PVT1: variants seen among roughly 807,000 people sequenced by gnomAD.
PVT1 encodes CXCR4/PVT1 fusion.
intron 5 of PVT1, among the ~76,000 whole-genome samples, chr8:128,079,764 G>A (rs1017838770): frequency 5.3e-5 from 8 of 151,892 alleles, no homozygotes; most frequent in East Asian, 1.9e-4. Context: ...TCACTCTGTC[G>A]CCCAGGCTGG....
At chr8:128,070,087 T>C (rs531587204) in intron 4 of PVT1, 3 of 152,084 alleles carry the variant, frequency 2.0e-5, no homozygotes, top group Non-Finnish European at 4.4e-5. Flanking sequence ...GGTATCTGTT[T>C]TTAATTTAGA....
chr8:127,999,606 T>C (rs1243623248), intron 4 of PVT1, among the ~76,000 whole-genome samples: 4 of 152,026 alleles, frequency 2.6e-5, no homozygotes, highest in Admixed American at 1.3e-4. Flanking sequence ...GGATTACAGG[T>C]GCACACCACC....
chr8:127,847,826 A>G (rs879360760), intron 2 of PVT1, among the ~76,000 whole-genome samples: 2 of 152,166 alleles, frequency 1.3e-5, no homozygotes, highest in Non-Finnish European at 2.9e-5. Flanking sequence ...AACCAACACA[A>G]GTGGTGGCCT....
At chr8:128,076,646 TA>T (rs1814094076) in intron 5 of PVT1, among the ~76,000 whole-genome samples, 1 of 152,220 alleles carries the variant, frequency 6.6e-6, no homozygotes, top group Non-Finnish European at 1.5e-5. Context: ...GGCTTCCGTC[TA>T]TTGACATCAC....
chr8:128,045,213 C>A (rs566980664), intron 4 of PVT1, among the ~76,000 whole-genome samples: 1 of 152,312 alleles, frequency 6.6e-6, no homozygotes, highest in African/African-American at 2.4e-5. Context: ...TGGGCAGGCA[C>A]CACGGCAGCC....
intron 4 of PVT1, among the ~76,000 whole-genome samples, chr8:128,069,504 C>T (rs1294237534): frequency 6.6e-6 from 1 of 152,146 alleles, no homozygotes; most frequent in Non-Finnish European, 1.5e-5. Flanking sequence ...CATGATCTTG[C>T]TTTTTGTCCC....
chr8:128,083,336 T>TTC (rs1231538881), intron 5 of PVT1, among the ~76,000 whole-genome samples: 4 of 152,260 alleles, frequency 2.6e-5, no homozygotes, highest in Admixed American at 1.3e-4. Flanking sequence ...AAGTAGTCAC[T>TTC]ATTATAGGCC....
At chr8:127,990,808 G>A (rs1418499211) in intron 4 of PVT1, among the ~76,000 whole-genome samples, 2 of 152,200 alleles carry the variant, frequency 1.3e-5, no homozygotes, top group Non-Finnish European at 2.9e-5. Flanking sequence ...AGTCAAGGTG[G>A]GGATACTGGC....
intron 3 of PVT1, among the ~76,000 whole-genome samples, chr8:127,963,988 G>A (rs1360442751): frequency 1.3e-5 from 2 of 152,244 alleles, no homozygotes; most frequent in African/African-American, 4.8e-5. Context: ...ATGTCGAGTG[G>A]AGAATGGCTG....
intron 3 of PVT1, among the ~76,000 whole-genome samples, chr8:127,925,498 C>G (rs1816118973): frequency 2.0e-5 from 3 of 152,118 alleles, no homozygotes; most frequent in Non-Finnish European, 4.4e-5. Flanking sequence ...AGTGGACACG[C>G]CATTCAGCTT....
chr8:128,004,573 T>C (rs1041412228), intron 4 of PVT1, among the ~76,000 whole-genome samples: 5 of 152,194 alleles, frequency 3.3e-5, no homozygotes, highest in Non-Finnish European at 5.9e-5. Flanking sequence ...TCTCATCAGA[T>C]GGCTGTAGAG....
chr8:127,998,216 A>C (rs556652413), intron 4 of PVT1: 29 of 152,216 alleles, frequency 1.9e-4, no homozygotes, highest in Non-Finnish European at 3.2e-4. Context: ...GTCACTGTGC[A>C]TAGCCATCCC....
At chr8:128,037,139 A>G (rs1813473092) in intron 4 of PVT1, among the ~76,000 whole-genome samples, 1 of 152,162 alleles carries the variant, frequency 6.6e-6, no homozygotes, top group African/African-American at 2.4e-5. Flanking sequence ...GGTGCCCGAG[A>G]CCCAGCACTT....
chr8:128,080,173 A>G (rs1563682243), intron 5 of PVT1, among the ~76,000 whole-genome samples: 1 of 151,890 alleles, frequency 6.6e-6, no homozygotes, highest in Non-Finnish European at 1.5e-5. Context: ...GTTTTTGGCA[A>G]TTATGCATAA....
chr8:127,963,568 C>T (rs748733611), intron 3 of PVT1, among the ~76,000 whole-genome samples: 3 of 152,214 alleles, frequency 2.0e-5, no homozygotes, highest in Middle Eastern at 3.4e-3. Context: ...GGCAGCACCC[C>T]CCACCCCCCT....
intron 4 of PVT1, among the ~76,000 whole-genome samples, chr8:128,011,301 T>C (rs6651247): frequency 0.66 from 100,681 of 152,056 alleles, 33,949 homozygotes; most frequent in African/African-American, 0.78. Flanking sequence ...TTTTCCTTCT[T>C]CCAAACGTAT....
intron 2 of PVT1, among the ~76,000 whole-genome samples, chr8:127,809,464 A>C (rs7830829): frequency 0.017 from 2,560 of 152,258 alleles, 46 homozygotes; most frequent in East Asian, 0.11. Context: ...AAAGTGTTGG[A>C]ATTACAGGAA....
intron 4 of PVT1, among the ~76,000 whole-genome samples, chr8:128,004,314 G>A (rs572954910): frequency 1.3e-5 from 2 of 152,280 alleles, no homozygotes; most frequent in African/African-American, 2.4e-5. Context: ...GTATACAGTA[G>A]GTAATCAAGA....
rs548787189 is a variant in PVT1, at chr8:127,909,722, G to A, written n.782+18724G>A. Among the ~76,000 whole-genome samples the A allele has an allele frequency of 3.3e-5, 5 of 152,256 alleles. No homozygotes were observed. The East Asian group carries it at 9.7e-4, about 29-fold the overall frequency. On this transcript the variant is annotated intron_variant and non_coding_transcript_variant, in intron 3 of 10. Coordinates refer to ENST00000651587, the Ensembl canonical transcript of PVT1. ...ATGTGGTGGTACAGGGTAGGGTGTA[G>A]GGGTCCCCAGAATTGGGGGCCTCCG...
Sources: gnomAD v4.1 joint callset for allele counts (sites outside exome capture counted in the v4.1 genomes callset) on GRCh38, gnomAD v4.1.1 for gene constraint, MANE v1.5 for transcripts, NCBI Gene and HGNC (gene_info 2026-07-23, HGNC 2026-07-21) for gene names.